GALNT2: variants seen among roughly 807,000 people sequenced by gnomAD.
GALNT2 encodes UDP-GalNAc:polypeptide N-acetylgalactosaminyltransferase 2.
In GALNT2, 31 loss-of-function variants were observed where a neutral mutation model predicts 81.4. That is an observed-to-expected ratio of 0.38 (90% CI 0.29 to 0.51). GALNT2 has a LOEUF of 0.51. Among genes scored for constraint, GALNT2 ranks in the 20% least tolerant of loss-of-function variants. The probability of loss-of-function intolerance (pLI) is 0.87; values close to 1 mark genes in which losing one functional copy is unlikely to be tolerated. For synonymous variants in GALNT2, 303 were observed against 287.4 expected, an observed-to-expected ratio of 1.05 and a Z score of -0.55; for missense variants, 629 against 765.7, an observed-to-expected ratio of 0.82 and a Z score of 2.11.
chr1:230,105,615 G>T (rs372739436), intron 1 of GALNT2, among the ~76,000 whole-genome samples: 1 of 152,118 alleles, frequency 6.6e-6, no homozygotes, highest in Non-Finnish European at 1.5e-5. Flanking sequence ...CTTCTTCCTC[G>T]CAGTGGTCAG....
chr1:230,235,247 T>G (rs1284515319), intron 3 of GALNT2, among the ~76,000 whole-genome samples: 1 of 150,698 alleles, frequency 6.6e-6, no homozygotes, highest in African/African-American at 2.4e-5. Flanking sequence ...AGCTACTTAC[T>G]GTTCTTCTAG....
intron 2 of GALNT2, among the ~76,000 whole-genome samples, chr1:230,202,840 A>C (rs896877754): frequency 6.6e-6 from 1 of 152,184 alleles, no homozygotes; most frequent in Non-Finnish European, 1.5e-5. Context: ...TTTATAGAAA[A>C]CATGAATGAT....
At chr1:230,235,978 G>A (rs766481621) in intron 3 of GALNT2, 36 bp from the exon 4 acceptor site, 1 of 1,598,660 alleles carries the variant, frequency 6.3e-7, no homozygotes, top group Admixed American at 1.7e-5. Context: ...TGCTCTGGGG[G>A]TCATTGTTCA....
chr1:230,066,590 T>G (rs1246844395), upstream of GALNT2, among the ~76,000 whole-genome samples: 2 of 152,140 alleles, frequency 1.3e-5, no homozygotes, highest in African/African-American at 4.8e-5. Context: ...GCTGCAAGAT[T>G]AGTGAGAAAA....
Position 230,243,816 on chromosome 1 carries a change from C to T in GALNT2, c.729+389C>T, listed in dbSNP as rs569860023. On this transcript the variant is annotated intron_variant, in intron 7 of 15. Coordinates refer to ENST00000366672, the MANE Select transcript of GALNT2 (RefSeq NM_004481.5). This position sits in a 1 kb window ranked among gnomAD's most constrained non-coding sequence, Gnocchi z 4.2. ...GTGCCATCTCTTGCAGCTCGCAGAG[C>T]GGGGCGTGCTGGGGAAGCTGTCCCT... Among the ~76,000 whole-genome samples, 4 of 152,244 alleles carry T rather than the reference C, an allele frequency of 2.6e-5. No individual in the cohort carries two copies. The highest frequency in any genetic ancestry group is 4.8e-5 in the African/African-American group (2 of 41,568).
chr1:230,189,716 C>T (rs558290280), intron 2 of GALNT2, among the ~76,000 whole-genome samples: 11 of 152,314 alleles, frequency 7.2e-5, no homozygotes, highest in Admixed American at 3.3e-4. Flanking sequence ...TGGCATTAAG[C>T]GCATTCACAG....
Position 230,070,949 on chromosome 1 carries a change from A to G in GALNT2, c.126+3543A>G, listed in dbSNP as rs11122271. 0.27 allele frequency among the ~76,000 whole-genome samples: 41,176 copies of G among 152,106 alleles called. 10,261 individuals are homozygous for G. Among genetic ancestry groups the G allele is most frequent in the African/African-American group, 0.66 (27,359 of 41,432 alleles). On this transcript the variant is annotated intron_variant, in intron 1 of 15. Transcript: ENST00000366672. This position sits in a 1 kb window ranked among gnomAD's most constrained non-coding sequence, Gnocchi z 4.7. ...CCTAGCTGTTTACCTCTTTGTGCTT[A>G]GTGACCTTCACTGATGCATTGAACC... is the stretch of plus-strand genomic sequence containing the variant.
chr1:230,066,550 A>C (rs1659185866), upstream of GALNT2, among the ~76,000 whole-genome samples: 1 of 152,218 alleles, frequency 6.6e-6, no homozygotes, highest in South Asian at 2.1e-4. Flanking sequence ...TAGATAAATA[A>C]AATCGATACC....
At chr1:230,221,287 G>T (rs1664539218) in intron 3 of GALNT2, among the ~76,000 whole-genome samples, 1 of 152,074 alleles carries the variant, frequency 6.6e-6, no homozygotes, top group African/African-American at 2.4e-5. Context: ...TAGCTCTCTG[G>T]TAATGGACTG....
rs141801350 is a variant in GALNT2, at chr1:230,082,516, C to T, written c.126+15110C>T. ...TGGAGAGATCTCCAATGTGCCATTCCTCCTGCAGCCGACTCTCCTTATCCC... is the reference window on the plus strand; with the variant it reads ...TGGAGAGATCTCCAATGTGCCATTCTTCCTGCAGCCGACTCTCCTTATCCC... On this transcript the variant is annotated intron_variant, in intron 1 of 15. Coordinates refer to ENST00000366672, the MANE Select transcript of GALNT2 (RefSeq NM_004481.5). Among the ~76,000 whole-genome samples, 742 of 152,362 alleles carry T rather than the reference C, an allele frequency of 4.9e-3. 4 individuals carry two copies. Among genetic ancestry groups the T allele is most frequent in the Middle Eastern group, 0.024 (7 of 294 alleles).
chr1:230,129,693 A>C (rs1390233268), intron 1 of GALNT2, among the ~76,000 whole-genome samples: 1 of 152,160 alleles, frequency 6.6e-6, no homozygotes, highest in African/African-American at 2.4e-5. Flanking sequence ...AAATTCTGTC[A>C]CTTAAAAATA....
At chr1:230,097,309 A>G (rs1351725548) in intron 1 of GALNT2, among the ~76,000 whole-genome samples, 1 of 152,146 alleles carries the variant, frequency 6.6e-6, no homozygotes, top group Non-Finnish European at 1.5e-5. Context: ...TATTAAGTAC[A>G]TTCATATTAT....
chr1:230,217,799 T>G (rs1664436009), intron 3 of GALNT2, among the ~76,000 whole-genome samples: 1 of 152,322 alleles, frequency 6.6e-6, no homozygotes, highest in East Asian at 1.9e-4. Flanking sequence ...ACTCCCTTCA[T>G]TAAGCCCTTT....
At chr1:230,170,166 C>T (rs1249213968) in intron 1 of GALNT2, among the ~76,000 whole-genome samples, 1 of 152,204 alleles carries the variant, frequency 6.6e-6, no homozygotes, top group Admixed American at 6.5e-5. Context: ...GTTTTGGGAG[C>T]TGTTGGGCTG....
rs531630908 is a variant in GALNT2 at position 230,143,635 on chromosome 1, A to G, written c.127-34583A>G. On this transcript the variant is annotated intron_variant, in intron 1 of 15. Coordinates refer to ENST00000366672, the MANE Select transcript of GALNT2 (RefSeq NM_004481.5). ...TGGTTTTTTCTTGGCTTTACGCAGCATGTTGCTTTTCACATGGGAAAGTGT... is the reference window on the plus strand; with the variant it reads ...TGGTTTTTTCTTGGCTTTACGCAGCGTGTTGCTTTTCACATGGGAAAGTGT... 2.6e-5 allele frequency among the ~76,000 whole-genome samples: 4 copies of G among 152,350 alleles called. No individual in the cohort carries two copies. In the East Asian group the frequency reaches 7.7e-4, roughly 29 times the overall value.
At chr1:230,072,974 A>C (rs542014156) in intron 1 of GALNT2, among the ~76,000 whole-genome samples, 1 of 152,262 alleles carries the variant, frequency 6.6e-6, no homozygotes, top group South Asian at 2.1e-4. Context: ...GTCTTGATTC[A>C]CTGTTACTGT....
At chr1:230,211,559 C>G (rs1664234945) in intron 3 of GALNT2, among the ~76,000 whole-genome samples, 1 of 152,068 alleles carries the variant, frequency 6.6e-6, no homozygotes, top group Non-Finnish European at 1.5e-5. Context: ...CTTTGAGAGG[C>G]TGAAGCAGGA....
At chr1:230,059,517 G>C (rs528089297) in intron 1 of GALNT2, among the ~76,000 whole-genome samples, 6 of 152,328 alleles carry the variant, frequency 3.9e-5, no homozygotes, top group African/African-American at 1.4e-4. Flanking sequence ...GAAAGACAAG[G>C]AGCGGGTGTT....
At chr1:230,130,998 CA>C (rs1661349997) in intron 1 of GALNT2, among the ~76,000 whole-genome samples, 1 of 152,020 alleles carries the variant, frequency 6.6e-6, no homozygotes, top group South Asian at 2.1e-4. Flanking sequence ...CACCCTCCAA[CA>C]TAAAAATTTT....
Sources: gnomAD v4.1 joint callset for allele counts (sites outside exome capture counted in the v4.1 genomes callset) on GRCh38, gnomAD v4.1.1 for gene constraint, Gnocchi (gnomAD v3.1) non-coding constraint, MANE v1.5 for transcripts, NCBI Gene and HGNC (gene_info 2026-07-23, HGNC 2026-07-21) for gene names.